DGKG: variants seen among roughly 807,000 people sequenced by gnomAD.
DGKG encodes diacylglycerol kinase gamma, also known as DAG kinase gamma.
A neutral mutation model predicts 105.3 loss-of-function variants in DGKG; 78 were observed. The ratio of observed to expected loss-of-function variants is 0.74; its 90% CI spans 0.62 to 0.89. The LOEUF (loss-of-function observed/expected upper bound fraction) is 0.89. Ranked by LOEUF, DGKG falls within the 40% of genes least tolerant of loss-of-function variation. The pLI is 0.00. For missense variants in DGKG, 958 were observed against 1,020.1 expected, an observed-to-expected ratio of 0.94 and a Z score of 0.83; for synonymous variants, 346 against 367.1, an observed-to-expected ratio of 0.94 and a Z score of 0.66.
chr3:186,254,703 C>G (rs1422355689), intron 17 of DGKG, among the ~76,000 whole-genome samples: 1 of 152,124 alleles, frequency 6.6e-6, no homozygotes, highest in East Asian at 1.9e-4. Context: ...ATGATTCCTT[C>G]CCACTGGTAT....
intron 1 of DGKG, among the ~76,000 whole-genome samples, chr3:186,339,213 A>G (rs1419163858): frequency 1.3e-5 from 2 of 152,218 alleles, no homozygotes; most frequent in Non-Finnish European, 2.9e-5. Flanking sequence ...GCTAGGAGCT[A>G]TGGGGGAGGC....
At chr3:186,248,610 T>C (rs577161580) in intron 19 of DGKG, among the ~76,000 whole-genome samples, 1 of 152,330 alleles carries the variant, frequency 6.6e-6, no homozygotes, top group Non-Finnish European at 1.5e-5. Context: ...TCAGCATCTG[T>C]TGTGGGGGTG....
intron 1 of DGKG, among the ~76,000 whole-genome samples, chr3:186,354,270 G>A (rs1475259182): frequency 6.6e-6 from 1 of 152,162 alleles, no homozygotes; most frequent in Non-Finnish European, 1.5e-5. Context: ...AGAGCAGAGG[G>A]GTGGAGAAAT....
chr3:186,177,111 C>T (rs962045465), intron 22 of DGKG, among the ~76,000 whole-genome samples: 2 of 152,168 alleles, frequency 1.3e-5, no homozygotes, highest in Non-Finnish European at 2.9e-5. Context: ...GCCATAAGCC[C>T]GCATTCTGCA....
At chr3:186,165,865 CAG>C (rs1716519009) in intron 22 of DGKG, among the ~76,000 whole-genome samples, 1 of 152,224 alleles carries the variant, frequency 6.6e-6, no homozygotes, top group African/African-American at 2.4e-5. Flanking sequence ...TTATTTAAAA[CAG>C]AAGCAAAATA....
intron 1 of DGKG, among the ~76,000 whole-genome samples, chr3:186,359,108 C>T (rs949470948): frequency 2.0e-5 from 3 of 152,076 alleles, no homozygotes; most frequent in African/African-American, 4.8e-5. Context: ...GTGGCTTGGT[C>T]GTGTGAGGCC....
chr3:186,260,853 T>C (rs1029815958), intron 15 of DGKG, among the ~76,000 whole-genome samples: 1 of 152,212 alleles, frequency 6.6e-6, no homozygotes, highest in African/African-American at 2.4e-5. Flanking sequence ...TTCTCCCAAA[T>C]GTTCTGTATG....
At chr3:186,321,763 C>A (rs1313848306) in intron 1 of DGKG, among the ~76,000 whole-genome samples, 1 of 152,104 alleles carries the variant, frequency 6.6e-6, no homozygotes, top group Non-Finnish European at 1.5e-5. Flanking sequence ...GGAGAGTGAA[C>A]TAGAGCTGAG....
intron 2 of DGKG, chr3:186,313,566 G>A: frequency 1.0e-6 from 1 of 980,200 alleles, no homozygotes; most frequent in African/African-American, 1.7e-5. Context: ...AACTAAAAGT[G>A]TGGTCCCTGG....
rs57837574 is a variant in DGKG, at chr3:186,302,478, A to G, written c.145-4249T>C. Among the ~76,000 whole-genome samples the G allele has an allele frequency of 5.4e-3, 267 of 49,450 alleles. 3 individuals carry two copies. Among genetic ancestry groups the G allele is most frequent in the East Asian group, 0.011 (13 of 1,136 alleles). 32.4% of individuals were successfully genotyped at this position (49,450 alleles called of 152,430 possible). ...AAATGTGCTATATATATATATATATATATATATATATATATATATATATAT... is the reference window on the plus strand; with the variant it reads ...AAATGTGCTATATATATATATATATGTATATATATATATATATATATATAT... On this transcript the variant is annotated intron_variant, in intron 3 of 24. Coordinates refer to ENST00000265022, the MANE Select transcript of DGKG (RefSeq NM_001346.3).
intron 22 of DGKG, among the ~76,000 whole-genome samples, chr3:186,185,700 C>G (rs1399699933): frequency 1.3e-5 from 2 of 152,144 alleles, no homozygotes; most frequent in Non-Finnish European, 2.9e-5. Flanking sequence ...TTCCCCTACC[C>G]TCTGTTAGCA....
chr3:186,316,581 T>C (rs1300474533), intron 2 of DGKG, among the ~76,000 whole-genome samples: 1 of 152,202 alleles, frequency 6.6e-6, no homozygotes, highest in Non-Finnish European at 1.5e-5. Context: ...ATAACAAACT[T>C]ACTGTCAGCT....
chr3:186,190,397 C>T (rs574438930), intron 21 of DGKG, among the ~76,000 whole-genome samples: 31 of 152,288 alleles, frequency 2.0e-4, no homozygotes, highest in Non-Finnish European at 4.3e-4. Flanking sequence ...CAGGTGGCTA[C>T]CACACCAGTA....
chr3:186,345,421 C>G (rs1222438192), intron 1 of DGKG, among the ~76,000 whole-genome samples: 2 of 152,056 alleles, frequency 1.3e-5, no homozygotes, highest in Non-Finnish European at 2.9e-5. Context: ...TTTTCATGCT[C>G]TATTTTATTA....
chr3:186,235,745 C>T (rs545013058), intron 20 of DGKG, among the ~76,000 whole-genome samples: 1 of 152,166 alleles, frequency 6.6e-6, no homozygotes, highest in Admixed American at 6.5e-5. Flanking sequence ...CCCCACAGAA[C>T]ATCTCTGTCT....
intron 22 of DGKG, among the ~76,000 whole-genome samples, chr3:186,187,962 C>G (rs1717722027): frequency 1.3e-5 from 2 of 152,198 alleles, no homozygotes; most frequent in African/African-American, 2.4e-5. Context: ...CAGCATTTGA[C>G]TCTGAACCTC....
intron 1 of DGKG, among the ~76,000 whole-genome samples, chr3:186,358,135 A>G (rs920325968): frequency 6.6e-6 from 1 of 152,270 alleles, no homozygotes; most frequent in African/African-American, 2.4e-5. Context: ...TTATTCGTTC[A>G]TTCGTCACAT....
At chr3:186,318,137 G>C (rs541630799) in intron 2 of DGKG, among the ~76,000 whole-genome samples, 6 of 152,264 alleles carry the variant, frequency 3.9e-5, no homozygotes, top group African/African-American at 1.4e-4. Context: ...CCTGGAAACT[G>C]CCTGATCCAA....
At chr3:186,290,813 G>C (rs150768617) in intron 5 of DGKG, among the ~76,000 whole-genome samples, 4 of 152,174 alleles carry the variant, frequency 2.6e-5, no homozygotes, top group Non-Finnish European at 5.9e-5. Flanking sequence ...ACAGCAGAGA[G>C]TTCCCTTCAA....
Sources: allele counts gnomAD v4.1 joint callset (sites outside exome capture counted in the v4.1 genomes callset), GRCh38; gene constraint gnomAD v4.1.1; transcripts MANE v1.5; gene names NCBI Gene and HGNC (gene_info 2026-07-23, HGNC 2026-07-21).